The following MYO16 variants were observed in gnomAD, a reference collection of about 807,000 sequenced individuals.
MYO16 encodes the protein unconventional myosin-XVI.
A neutral mutation model predicts 205.3 loss-of-function variants in MYO16; 94 were observed. The observed-to-expected ratio is 0.46, with a 90% CI of 0.39 to 0.54. The LOEUF (loss-of-function observed/expected upper bound fraction) is 0.54, where lower values mean the gene tolerates loss of function less well. MYO16 is among the 20% of genes least tolerant of loss of function. The pLI is 0.00. For missense variants in MYO16, 2,315 were observed against 2,387.5 expected (o/e 0.97, Z 0.63); for synonymous variants, 988 against 954.0 (o/e 1.04, Z -0.66).
intron 12 of MYO16, among the ~76,000 whole-genome samples, chr13:108,878,619 G>A (rs1324938428): frequency 6.6e-6 from 1 of 152,216 alleles, no homozygotes; most frequent in Non-Finnish European, 1.5e-5. Flanking sequence ...AAGGCAGAAG[G>A]TCCATTGAAC....
chr13:108,902,173 C>T (rs367676725), intron 15 of MYO16, among the ~76,000 whole-genome samples: 5 of 152,190 alleles, frequency 3.3e-5, no homozygotes, highest in South Asian at 2.1e-4. Context: ...GAAGGAACAT[C>T]TTCACTCAGT....
the MYO16 span, among the ~76,000 whole-genome samples, chr13:108,567,261 A>G: frequency 2.6e-5 from 4 of 152,148 alleles, no homozygotes; most frequent in African/African-American, 7.2e-5. Flanking sequence ...GGAAGTGTCA[A>G]AAGAATGAAC....
intron 28 of MYO16, among the ~76,000 whole-genome samples, chr13:109,110,403 G>A (rs1032499303): frequency 6.6e-6 from 1 of 152,152 alleles, no homozygotes; most frequent in Admixed American, 6.5e-5. Context: ...ATTCATCACT[G>A]CCTGCTATGC....
the MYO16 span, among the ~76,000 whole-genome samples, chr13:108,518,458 C>G: frequency 6.6e-6 from 1 of 152,108 alleles, no homozygotes; most frequent in Non-Finnish European, 1.5e-5. Context: ...TTTTTAGGGT[C>G]TTCTAAATAT....
intron 24 of MYO16, among the ~76,000 whole-genome samples, chr13:109,047,553 A>G (rs749533683): frequency 5.3e-5 from 8 of 152,164 alleles, no homozygotes; most frequent in Non-Finnish European, 8.8e-5. Flanking sequence ...TACACTATAT[A>G]CAAGACTGTA....
intron 28 of MYO16, among the ~76,000 whole-genome samples, chr13:109,107,258 T>G (rs1160562583): frequency 6.6e-6 from 1 of 152,222 alleles, no homozygotes; most frequent in Non-Finnish European, 1.5e-5. Flanking sequence ...CAATCTTTGT[T>G]TTTATCACAA....
intron 22 of MYO16, among the ~76,000 whole-genome samples, chr13:109,009,582 T>C (rs2139482887): frequency 6.6e-6 from 1 of 152,316 alleles, no homozygotes; most frequent in Middle Eastern, 3.4e-3. Context: ...ACTCTGTGTC[T>C]CTATCATATA....
chr13:108,853,594 AG>A, intron 10 of MYO16, among the ~76,000 whole-genome samples: 1 of 128,474 alleles, frequency 7.8e-6, no homozygotes, highest in African/African-American at 3.0e-5. Flanking sequence ...TCTGAGATCT[AG>A]ATTTTTTTTT....
intron 8 of MYO16, among the ~76,000 whole-genome samples, chr13:108,822,148 T>C (rs1240010611): frequency 6.6e-6 from 1 of 152,170 alleles, no homozygotes; most frequent in Non-Finnish European, 1.5e-5. Context: ...TGCTGTTATT[T>C]TATGTTTCTT....
At chr13:108,631,851 GCGGAT>G (rs1879995045) in intron 1 of MYO16, among the ~76,000 whole-genome samples, 1 of 152,158 alleles carries the variant, frequency 6.6e-6, no homozygotes, top group Non-Finnish European at 1.5e-5. Flanking sequence ...GCCAAAGCAG[GCGGAT>G]CACCTGAGGT....
chr13:108,683,578 G>A (rs185607663), intron 2 of MYO16, among the ~76,000 whole-genome samples: 2 of 152,172 alleles, frequency 1.3e-5, no homozygotes, highest in Admixed American at 6.5e-5. Flanking sequence ...GCACTGCCGC[G>A]TGATTGTGGA....
At chr13:109,126,714 C>T (rs1227897457) in intron 30 of MYO16, among the ~76,000 whole-genome samples, 1 of 152,138 alleles carries the variant, frequency 6.6e-6, no homozygotes, top group African/African-American at 2.4e-5. Context: ...GAAATAATAG[C>T]TCTGCACATA....
At chr13:108,623,327 A>T (rs183263433) in intron 1 of MYO16, among the ~76,000 whole-genome samples, 1 of 152,330 alleles carries the variant, frequency 6.6e-6, no homozygotes, top group African/African-American at 2.4e-5. Context: ...TTCAGTGTAC[A>T]TTCTTTTTCT....
rs1406677239 is a variant in MYO16, at chr13:108,972,351, C to CATCTATATATATATAT, written c.2369+7451_2369+7452insCTATATATATATATAT. 1.9e-3 allele frequency among the ~76,000 whole-genome samples: 34 copies of CATCTATATATATATAT among 17,456 alleles called. 10 individuals are homozygous for CATCTATATATATATAT. The highest frequency in any genetic ancestry group is 5.2e-3 in the South Asian group (1 of 192). 11.5% of individuals were successfully genotyped at this position (17,456 alleles called of 152,430 possible). A position where few individuals can be genotyped will look rare whatever the true frequency, so the allele number is the denominator to read the frequency against. On this transcript the variant is annotated intron_variant, in intron 20 of 34. Transcript: ENST00000457511. The stretch of plus-strand genomic sequence containing the variant: ...CCATCTATATATATATATATATAGC[C>CATCTATATATATATAT]ATATATATATATATATATATATATA...
At chr13:109,054,247 C>T in intron 25 of MYO16, 1 of 286,604 alleles carries the variant, frequency 3.5e-6, no homozygotes, top group South Asian at 2.9e-5. Flanking sequence ...TTTTTCTTTT[C>T]AGGGCTGCAC....
intron 6 of MYO16, among the ~76,000 whole-genome samples, chr13:108,794,290 G>A (rs1204349865): frequency 6.6e-6 from 1 of 152,156 alleles, no homozygotes; most frequent in Non-Finnish European, 1.5e-5. Flanking sequence ...ATTTACCCAT[G>A]TAACAACATA....
rs1188835861 is a variant in MYO16, at chr13:108,785,764, C to A, written c.616+21C>A. The A allele has an allele frequency of 2.8e-6, 4 of 1,451,458 alleles. No individual in the cohort carries two copies. The Admixed American group carries it at 7.7e-5, about 28-fold the overall frequency. 89.9% of individuals were successfully genotyped at this position (1,451,458 alleles called of 1,614,324 possible). On this transcript the variant is annotated intron_variant, in intron 5 of 34. Coordinates refer to ENST00000457511, the MANE Select transcript of MYO16 (RefSeq NM_001198950.3). The stretch of plus-strand genomic sequence containing the variant: ...AAATGGTAGGCAAAAACTTTTAAAA[C>A]CATAGAAAAAAATAGATTGGGAGAA...
chr13:108,497,701 T>G, the MYO16 span, among the ~76,000 whole-genome samples: 3 of 152,120 alleles, frequency 2.0e-5, no homozygotes, highest in African/African-American at 7.2e-5. Flanking sequence ...AGCTCAAATA[T>G]TTTGCACGTG....
chr13:108,886,457 G>A (rs1326029615), intron 13 of MYO16: 2 of 456,080 alleles, frequency 4.4e-6, no homozygotes, highest in Non-Finnish European at 8.8e-6. Context: ...GTGCGGACAC[G>A]AGAGAGTAAG....
Sources: gnomAD v4.1 joint callset for allele counts (sites outside exome capture counted in the v4.1 genomes callset) on GRCh38, gnomAD v4.1.1 for gene constraint, MANE v1.5 for transcripts, NCBI Gene and HGNC (gene_info 2026-07-23, HGNC 2026-07-21) for gene names.